Variants in MDC1 observed in about 807,000 individuals in gnomAD.
MDC1 encodes the protein mediator of DNA damage checkpoint 1, also known as mediator of DNA damage checkpoint protein 1.
A neutral mutation model predicts 142.5 loss-of-function variants in MDC1; 81 were observed. The ratio of observed to expected loss-of-function variants is 0.57; its 90% CI spans 0.47 to 0.68. The LOEUF (loss-of-function observed/expected upper bound fraction) is 0.68, where lower values mean the gene tolerates loss of function less well. MDC1 is among the 30% of genes least tolerant of loss of function. MDC1 has a pLI of 0.00. For missense variants in MDC1, 2,119 were observed against 2,547.9 expected, an observed-to-expected ratio of 0.83 and a Z score of 3.62; for synonymous variants, 797 against 968.4, an observed-to-expected ratio of 0.82 and a Z score of 3.29.
rs565255371 is a variant in MDC1 at position 30,703,018 on chromosome 6, C to T, written c.5865+86G>A. ...CACCAATGCCCCTGTCTTCCTGTAACGCCTCTTCCCTTCCACCACTTTCTA... is the reference window on the plus strand; with the variant it reads ...CACCAATGCCCCTGTCTTCCTGTAATGCCTCTTCCCTTCCACCACTTTCTA... On this transcript the variant is annotated intron_variant, in intron 12 of 14. Transcript: ENST00000376406. The surrounding 1 kb of genome is among the most constrained non-coding windows in gnomAD (Gnocchi z 4.4). 40 of 1,574,956 alleles carry T rather than the reference C, an allele frequency of 2.5e-5. No individual in the cohort carries two copies. The highest frequency in any genetic ancestry group is 8.2e-5 in the South Asian group (7 of 85,726).
Position 30,712,031 on chromosome 6 carries a change from G to T in MDC1, c.1911C>A (p.Asp637Glu). 6.3e-7 allele frequency: 1 copy of T among 1,597,196 alleles called. No homozygotes were observed. Among genetic ancestry groups the T allele is most frequent in the African/African-American group, 1.3e-5 (1 of 74,622 alleles). The change falls in exon 5 of 15, where the codon GAC becomes GAA. Residue 637 changes from aspartate to glutamate, a missense_variant. Physicochemically the swap from Asp to Glu is conservative, Grantham distance 45. Transcript: ENST00000376406. This position sits in a 1 kb window ranked among gnomAD's most constrained non-coding sequence, Gnocchi z 4.7. Reference protein sequence around the residue: ...GGPPVAQVEQDLPISRENLTD... With the variant: ...GGPPVAQVEQELPISRENLTD... The stretch of plus-strand genomic sequence containing the variant: ...TGAGGTTCTCTCTTGAGATAGGGAG[G>T]TCCTGCTCCACTTGTGCCACAGGTG...
rs1772410188 is a variant in MDC1, at chr6:30,700,296, T to C, written c.*169A>G. 1.7e-6 allele frequency: 1 copy of C among 600,126 alleles called. No homozygotes were observed. Among genetic ancestry groups the C allele is most frequent in the African/African-American group, 1.9e-5 (1 of 53,282 alleles). 37.2% of individuals were successfully genotyped at this position (600,126 alleles called of 1,614,324 possible). A position where few individuals can be genotyped will look rare whatever the true frequency, so the allele number is the denominator to read the frequency against. On this transcript the variant is annotated 3_prime_UTR_variant, in exon 15 of 15. Coordinates refer to ENST00000376406, the MANE Select transcript of MDC1 (RefSeq NM_014641.3). ...ACAAACAAACAAACAAAAAACAACC[T>C]GTGGCTTCCAAATCCCTTATCTTTT... is the stretch of plus-strand genomic sequence containing the variant.
At chr6:30,714,805 T>G (rs566417562) in intron 2 of MDC1, among the ~76,000 whole-genome samples, 1 of 152,308 alleles carries the variant, frequency 6.6e-6, no homozygotes, top group Non-Finnish European at 1.5e-5. Flanking sequence ...TGTGAGTCAC[T>G]GCACCCAGCT....
At position 30,709,027 on chromosome 6, in the gene MDC1, A is replaced by G. The variant is rs190974682; in HGVS notation, c.2222-670T>C. Among the ~76,000 whole-genome samples the G allele has an allele frequency of 3.6e-4, 55 of 152,254 alleles. No individual in the cohort carries two copies. Among genetic ancestry groups the G allele is most frequent in the Non-Finnish European group, 2.6e-4 (18 of 68,024 alleles). On this transcript the variant is annotated intron_variant, in intron 7 of 14. Transcript: ENST00000376406. This position sits in a 1 kb window ranked among gnomAD's most constrained non-coding sequence, Gnocchi z 4.2. ...AAGAAAAACATCATAGCCTAATAAG[A>G]GAGTTCCCTGAATAGTCTCTCTCTC...
chr6:30,713,762 A>G lies in MDC1; in HGVS notation c.517+41T>C, dbSNP rs771221787. 117 of 1,613,618 alleles carry G rather than the reference A, an allele frequency of 7.3e-5. No individual in the cohort carries two copies. Among genetic ancestry groups the G allele is most frequent in the Non-Finnish European group, 9.4e-5 (111 of 1,179,690 alleles). Reference sequence around the variant, plus strand: ...ATGAGTTGACAATTGTACACTCATTATTCCTGTCTCCTCATTCTCCCTGCC... The same window carrying G: ...ATGAGTTGACAATTGTACACTCATTGTTCCTGTCTCCTCATTCTCCCTGCC... On this transcript the variant is annotated intron_variant, in intron 3 of 14. Transcript: ENST00000376406. The surrounding 1 kb of genome is among the most constrained non-coding windows in gnomAD (Gnocchi z 4.9).
rs939117674 is a variant in MDC1, at chr6:30,716,281, T to C, written c.-4+964A>G. The stretch of plus-strand genomic sequence containing the variant: ...CTCTGTCGTCCAGGCTGGACTGCAG[T>C]GGTGCTATCTTGGCTCACTGCAACC... On this transcript the variant is annotated intron_variant, in intron 1 of 14. Transcript: ENST00000376406. The surrounding 1 kb of genome is among the most constrained non-coding windows in gnomAD (Gnocchi z 4.4). 6.6e-6 allele frequency among the ~76,000 whole-genome samples: 1 copy of C among 151,904 alleles called. No individual in the cohort carries two copies.
chr6:30,715,252 A>G lies in MDC1; in HGVS notation c.-3-74T>C. ...ACAGCATCAGAGTTATCAGACTGAA[A>G]ACTAGGGGGTAAACTGGATCATTAT... On this transcript the variant is annotated intron_variant, in intron 1 of 14. Transcript: ENST00000376406. This position sits in a 1 kb window ranked among gnomAD's most constrained non-coding sequence, Gnocchi z 4.1. 1 of 1,517,642 alleles carries G rather than the reference A, an allele frequency of 6.6e-7. No homozygotes were observed. The allele number at this position is 1,517,642 out of a possible 1,614,324, so 94.0% of individuals were successfully genotyped here. A position where few individuals can be genotyped will look rare whatever the true frequency, so the allele number is the denominator to read the frequency against.
chr6:30,700,597 G>A lies in MDC1; in HGVS notation c.6138C>T (p.Phe2046=), dbSNP rs9468812. ...QRVVITCPQD[F]PHCSIPLRVG... is the part of the protein sequence containing the mutation. The stretch of plus-strand genomic sequence containing the variant: ...CCCGTAGTGGAATGGAGCAATGAGG[G>A]AAGTCCTGAGGGCATGTGATCACAA... The change falls in exon 15 of 15, where the codon TTC becomes TTT. Residue 2046 remains phenylalanine (F), a synonymous_variant. Coordinates refer to ENST00000376406, the MANE Select transcript of MDC1 (RefSeq NM_014641.3). The A allele has an allele frequency of 0.016, 25,495 of 1,612,902 alleles. 690 individuals carry two copies. Among genetic ancestry groups the A allele is most frequent in the African/African-American group, 0.12 (8,779 of 74,952 alleles).
At chr6:30,706,900 G>A (rs1773969374) in intron 9 of MDC1, among the ~76,000 whole-genome samples, 1 of 152,106 alleles carries the variant, frequency 6.6e-6, no homozygotes, top group Non-Finnish European at 1.5e-5. Context: ...AAGAGACGGA[G>A]GTTACAGTAA....
chr6:30,714,291 T>G, intron 2 of MDC1, 108 bp from the exon 3 acceptor site: 1 of 1,208,032 alleles, frequency 8.3e-7, no homozygotes, highest in Non-Finnish European at 1.1e-6. Context: ...CCATATGCAT[T>G]AGAAAAATAA....
rs913277568 is a variant in MDC1, at chr6:30,715,525, G to A, written c.-3-347C>T. Among the ~76,000 whole-genome samples, 1 of 152,190 alleles carries A rather than the reference G, an allele frequency of 6.6e-6. No homozygotes were observed. Among genetic ancestry groups the A allele is most frequent in the Non-Finnish European group, 1.5e-5 (1 of 68,038 alleles). On this transcript the variant is annotated intron_variant, in intron 1 of 14. Coordinates refer to ENST00000376406, the MANE Select transcript of MDC1 (RefSeq NM_014641.3). The surrounding 1 kb of genome is among the most constrained non-coding windows in gnomAD (Gnocchi z 4.1). ...GGCTAATTTTTGTATTTTTAGAAGA[G>A]ATGGGGTTTTGCCATATTGGCCAGG...
rs756858990 is a variant in MDC1, at chr6:30,712,329, A to C, written c.1613T>G (p.Ile538Arg). ...CTCCACAGACACCTGATGCTTCTTT[A>C]TATGTATAATGGCTGACCCTGGCGG... ...EVPPGSAIIH[I>R]KKHQVSVEGT... Residue 538 changes from isoleucine (I) to arginine (R), a missense_variant, in exon 5 of 15, where the codon ATA becomes AGA. Physicochemically the swap from Ile to Arg is moderately conservative, Grantham distance 97. Transcript: ENST00000376406. This position sits in a 1 kb window ranked among gnomAD's most constrained non-coding sequence, Gnocchi z 4.7. 6.2e-7 allele frequency: 1 copy of C among 1,612,974 alleles called. No individual in the cohort carries two copies. The highest frequency in any genetic ancestry group is 1.7e-5 in the Admixed American group (1 of 60,014).
In MDC1 at chr6:30,705,855, G is replaced by A. The variant is rs539990635; in HGVS notation, c.3328C>T (p.Arg1110Trp). The A allele has an allele frequency of 2.0e-5, 32 of 1,610,744 alleles. No homozygotes were observed. The South Asian group carries it at 2.8e-4, about 14-fold the overall frequency. The stretch of plus-strand genomic sequence containing the variant: ...AAGGGTGTCATTCTGGAGGACTTCC[G>A]AGTTCTAATTTTAGGCTTTGGGTGG... ...PFHPKPKIRT[R>W]KSSRMTPFPA... Residue 1110 changes from arginine to tryptophan, a missense_variant, in exon 10 of 15, where the codon CGG (arginine) becomes TGG (tryptophan). Transcript: ENST00000376406.
intron 7 of MDC1, among the ~76,000 whole-genome samples, chr6:30,710,813 G>A (rs1183176210): frequency 2.0e-5 from 3 of 148,206 alleles, no homozygotes; most frequent in Non-Finnish European, 4.4e-5. Context: ...AGAGACATTG[G>A]GGGTGGGGGT....
rs1440389217 is a variant in MDC1 at position 30,707,944 on chromosome 6, C to T, written c.2635G>A (p.Glu879Lys). The T allele has an allele frequency of 6.2e-7, 1 of 1,613,076 alleles. No individual in the cohort carries two copies. The highest frequency in any genetic ancestry group is 1.1e-5 in the South Asian group (1 of 91,088). ...CTATCTCTTTCAGGACTTGCACTTTCCCCATTTTTGTCAGATTCTTGTCTC... is the reference window on the plus strand; with the variant it reads ...CTATCTCTTTCAGGACTTGCACTTTTCCCATTTTTGTCAGATTCTTGTCTC... The part of the protein sequence containing the change: ...TQRQESDKNG[E>K]SASPERDRES... The change falls in exon 8 of 15, where the codon GAA (glutamate) becomes AAA (lysine). Residue 879 changes from glutamate (E) to lysine (K), a missense_variant. Transcript: ENST00000376406.
rs751055479 is a variant in MDC1, at chr6:30,713,838, C to T, written c.482G>A (p.Arg161Lys). Residue 161 changes from arginine (R) to lysine (K), a missense_variant, in exon 3 of 15, where the codon AGG becomes AAG. Transcript: ENST00000376406. This position sits in a 1 kb window ranked among gnomAD's most constrained non-coding sequence, Gnocchi z 4.9. ...CTCCGAGTCCTCAGCCAACAGAAGCCTCTGGGGTTGAGTTTCTCCCTGTAC... is the reference window on the plus strand; with the variant it reads ...CTCCGAGTCCTCAGCCAACAGAAGCTTCTGGGGTTGAGTTTCTCCCTGTAC... Reference protein sequence around the residue: ...PRVQGETQPQRLLLAEDSEEE... With the variant: ...PRVQGETQPQKLLLAEDSEEE... 3.1e-6 allele frequency: 5 copies of T among 1,614,042 alleles called. No homozygotes were observed. The East Asian group carries it at 1.1e-4, about 36-fold the overall frequency.
intron 6 of MDC1, 46 bp from the exon 7 acceptor site, chr6:30,711,550 T>G: frequency 6.3e-7 from 1 of 1,599,978 alleles, no homozygotes; most frequent in Non-Finnish European, 8.6e-7. Flanking sequence ...CATACTACTG[T>G]AGGGTTCCAT....
chr6:30,711,981 G>T lies in MDC1; in HGVS notation c.1961C>A (p.Thr654Asn). 6.3e-7 allele frequency: 1 copy of T among 1,596,168 alleles called. No individual in the cohort carries two copies. Among genetic ancestry groups the T allele is most frequent in the Non-Finnish European group, 8.5e-7 (1 of 1,171,724 alleles). ...CTGTGGCTGGGTGGATTCCCCTAGA[G>T]TGTCTGTGTCCACCACCAGATCTGT... ...NLTDLVVDTD[T>N]LGESTQPQRE... The change falls in exon 5 of 15, where the codon ACT becomes AAT. Residue 654 changes from threonine to asparagine, a missense_variant. Coordinates refer to ENST00000376406, the MANE Select transcript of MDC1 (RefSeq NM_014641.3).
At chr6:30,706,497 C>T (rs1773847765) in intron 9 of MDC1, among the ~76,000 whole-genome samples, 2 of 152,000 alleles carry the variant, frequency 1.3e-5, no homozygotes, top group African/African-American at 4.8e-5. Context: ...TGGCGGGCGC[C>T]TGTAGTCCCA....
Sources: gnomAD v4.1 joint callset for allele counts (sites outside exome capture counted in the v4.1 genomes callset) on GRCh38, gnomAD v4.1.1 for gene constraint, Gnocchi (gnomAD v3.1) non-coding constraint, MANE v1.5 for transcripts, NCBI Gene and HGNC (gene_info 2026-07-23, HGNC 2026-07-21) for gene names.